The following HIRA variants were observed in gnomAD, a reference collection of about 807,000 sequenced individuals.
HIRA encodes the protein protein HIRA.
Under a neutral mutation model 126.6 loss-of-function variants are expected in HIRA, and 13 were observed. The ratio of observed to expected loss-of-function variants is 0.10; its 90% CI spans 0.07 to 0.16. The LOEUF (loss-of-function observed/expected upper bound fraction) is 0.16. Among genes scored for constraint, HIRA ranks in the 10% least tolerant of loss-of-function variants. The pLI, the probability that HIRA is intolerant of heterozygous loss-of-function variation, is 1.00. For synonymous variants in HIRA, 511 were observed against 520.0 expected (o/e 0.98, Z 0.24); for missense variants, 834 against 1,314.4 (o/e 0.63, Z 5.65).
chr22:19,334,169 G>A (rs1387619961), intron 24 of HIRA, among the ~76,000 whole-genome samples: 2 of 151,276 alleles, frequency 1.3e-5, no homozygotes, highest in East Asian at 2.0e-4. Context: ...TAGAGATGGG[G>A]TTCCACCATG....
At chr22:19,368,598 G>A (rs1256581331) in intron 15 of HIRA, among the ~76,000 whole-genome samples, 1 of 152,070 alleles carries the variant, frequency 6.6e-6, no homozygotes, top group Middle Eastern at 3.2e-3. Context: ...TGGAATATTA[G>A]CTTGTTCTAA....
intron 8 of HIRA, 31 bp downstream of exon 8, chr22:19,394,311 C>T (rs1244174773): frequency 6.2e-7 from 1 of 1,606,158 alleles, no homozygotes; most frequent in East Asian, 2.2e-5. Flanking sequence ...AATCTTGGAG[C>T]CCATCTCCCT....
chr22:19,389,858 CT>C (rs1183891000), intron 9 of HIRA, among the ~76,000 whole-genome samples: 10 of 146,772 alleles, frequency 6.8e-5, no homozygotes, highest in Admixed American at 3.4e-4. Context: ...AATACTTGGC[CT>C]AAAAAAAAAA....
At chr22:19,332,962 G>A (rs908644663) in intron 24 of HIRA, among the ~76,000 whole-genome samples, 22 of 152,276 alleles carry the variant, frequency 1.4e-4, no homozygotes, top group African/African-American at 3.6e-4. Flanking sequence ...AGGCTGGAGC[G>A]TAGTGGTGCA....
chr22:19,428,608 C>T (rs1306124218), intron 1 of HIRA, among the ~76,000 whole-genome samples: 2 of 152,182 alleles, frequency 1.3e-5, no homozygotes, highest in African/African-American at 4.8e-5. Context: ...GAGAAAAATG[C>T]TGAGCTGTCT....
chr22:19,410,616 GA>G, intron 2 of HIRA, 99 bp downstream of exon 2: 1 of 844,278 alleles, frequency 1.2e-6, no homozygotes, highest in Admixed American at 2.2e-5. Context: ...CATCCATCCT[GA>G]AAAATAGCAA....
chr22:19,396,442 G>A (rs1257664803), intron 7 of HIRA, among the ~76,000 whole-genome samples: 2 of 152,236 alleles, frequency 1.3e-5, no homozygotes, highest in Non-Finnish European at 2.9e-5. Context: ...CTTGAACCCA[G>A]GAGGCGGAGG....
intron 1 of HIRA, among the ~76,000 whole-genome samples, chr22:19,414,808 G>A (rs1428207803): frequency 1.3e-5 from 2 of 152,170 alleles, no homozygotes; most frequent in Non-Finnish European, 2.9e-5. Context: ...GATCACTTGA[G>A]GTCAGGAGTT....
chr22:19,370,044 G>A (rs187440566), intron 15 of HIRA, among the ~76,000 whole-genome samples: 197 of 152,214 alleles, frequency 1.3e-3, no homozygotes, highest in Middle Eastern at 3.4e-3. Flanking sequence ...GTACAATCTC[G>A]GCTCACTGCA....
At chr22:19,385,193 T>A (rs556198902) in intron 12 of HIRA, among the ~76,000 whole-genome samples, 5 of 152,168 alleles carry the variant, frequency 3.3e-5, no homozygotes, top group Non-Finnish European at 7.4e-5. Flanking sequence ...GGGGAGCCCA[T>A]AGAAGTCTCC....
At chr22:19,415,789 CA>C (rs986773483) in intron 1 of HIRA, among the ~76,000 whole-genome samples, 5 of 143,964 alleles carry the variant, frequency 3.5e-5, no homozygotes, top group South Asian at 2.2e-4. Flanking sequence ...AACTCCGTCT[CA>C]AAAAAAAAAG....
rs1431537390 is a variant in HIRA at position 19,384,309 on chromosome 22, C to A, written c.1330-604G>T. Reference sequence around the variant, plus strand: ...ACTGCACTCCAGCCTGGTGACAGAGCGAGACTCCATCTCAAAAAAAAAAAA... The same window carrying A: ...ACTGCACTCCAGCCTGGTGACAGAGAGAGACTCCATCTCAAAAAAAAAAAA... On this transcript the variant is annotated intron_variant, in intron 12 of 24. Coordinates refer to ENST00000263208, the MANE Select transcript of HIRA (RefSeq NM_003325.4). 8.1e-5 allele frequency among the ~76,000 whole-genome samples: 9 copies of A among 111,244 alleles called. No individual in the cohort carries two copies. In the Admixed American group the frequency reaches 1.1e-3, roughly 14 times the overall value. The allele number at this position is 111,244 out of a possible 152,430, so 73.0% of individuals were successfully genotyped here.
intron 24 of HIRA, among the ~76,000 whole-genome samples, chr22:19,342,328 A>G (rs1444023144): frequency 6.6e-6 from 1 of 152,206 alleles, no homozygotes; most frequent in Non-Finnish European, 1.5e-5. Flanking sequence ...GGTGGTGAAA[A>G]GGGAACACTT....
chr22:19,363,506 T>C (rs368018106), intron 15 of HIRA, among the ~76,000 whole-genome samples: 67 of 152,246 alleles, frequency 4.4e-4, no homozygotes, highest in African/African-American at 1.4e-3. Flanking sequence ...TATGACAACC[T>C]GGAACAGGCA....
intron 22 of HIRA, 47 bp from the exon 23 acceptor site, chr22:19,353,566 C>G (rs1556011614): frequency 6.5e-7 from 1 of 1,539,296 alleles, no homozygotes; most frequent in Admixed American, 1.9e-5. Context: ...AGGCACTACA[C>G]AGAGTCAGGA....
chr22:19,411,562 A>C (rs979908687), intron 1 of HIRA, among the ~76,000 whole-genome samples: 3 of 152,234 alleles, frequency 2.0e-5, no homozygotes, highest in African/African-American at 7.2e-5. Flanking sequence ...TAAGAGCTAC[A>C]AGTGGCATGT....
intron 24 of HIRA, among the ~76,000 whole-genome samples, chr22:19,342,448 A>G (rs1210704): frequency 0.87 from 131,929 of 152,114 alleles, 58,504 homozygotes; most frequent in Non-Finnish European, 0.96. Context: ...ATGCAGTGGC[A>G]CGATCTCGGC....
intron 24 of HIRA, among the ~76,000 whole-genome samples, chr22:19,346,707 A>G (rs2088690764): frequency 1.3e-5 from 2 of 152,160 alleles, no homozygotes; most frequent in African/African-American, 2.4e-5. Context: ...GAGAGGGTGA[A>G]TGTTGCTGTT....
chr22:19,366,356 C>T (rs973176434), intron 15 of HIRA, among the ~76,000 whole-genome samples: 7 of 152,040 alleles, frequency 4.6e-5, no homozygotes, highest in Admixed American at 2.0e-4. Flanking sequence ...AGCGAGACTC[C>T]GTCTCAAAAA....
Sources: allele counts gnomAD v4.1 joint callset (sites outside exome capture counted in the v4.1 genomes callset), GRCh38; gene constraint gnomAD v4.1.1; transcripts MANE v1.5; gene names NCBI Gene and HGNC (gene_info 2026-07-23, HGNC 2026-07-21).